Variants in GALNT18 observed in about 807,000 individuals in gnomAD.
The protein encoded by GALNT18 is polypeptide N-acetylgalactosaminyltransferase 18, also known as GalNAc-transferase 18.
GALNT18 carries 44 observed loss-of-function variants against 69.5 expected under a neutral mutation model. The ratio of observed to expected loss-of-function variants is 0.63; its 90% CI spans 0.50 to 0.81. The LOEUF (loss-of-function observed/expected upper bound fraction) is 0.81. Among genes scored for constraint, GALNT18 ranks in the 40% least tolerant of loss-of-function variants. The pLI is 0.00. For synonymous variants in GALNT18, 364 were observed against 318.2 expected, an observed-to-expected ratio of 1.14 and a Z score of -1.53; for missense variants, 715 against 810.0, an observed-to-expected ratio of 0.88 and a Z score of 1.42.
chr11:11,472,175 C>T (rs556866284), intron 1 of GALNT18, among the ~76,000 whole-genome samples: 1 of 152,304 alleles, frequency 6.6e-6, no homozygotes, highest in South Asian at 2.1e-4. Context: ...GGCTCCACTA[C>T]CTGGATGGGG....
intron 1 of GALNT18, among the ~76,000 whole-genome samples, chr11:11,492,309 G>A (rs1856787074): frequency 6.6e-6 from 1 of 152,186 alleles, no homozygotes; most frequent in African/African-American, 2.4e-5. Flanking sequence ...ACTCATTGTG[G>A]CCTCACAAGG....
Position 11,506,108 on chromosome 11 carries a change from G to A in GALNT18, c.236-57172C>T, listed in dbSNP as rs535813770. Among the ~76,000 whole-genome samples the A allele has an allele frequency of 3.3e-5, 5 of 152,294 alleles. No individual in the cohort carries two copies. In the South Asian group the frequency reaches 8.3e-4, roughly 25 times the overall value. On this transcript the variant is annotated intron_variant, in intron 1 of 10. Coordinates refer to ENST00000227756, the MANE Select transcript of GALNT18 (RefSeq NM_198516.3). Reference sequence around the variant, plus strand: ...TGATGAAAGGCACAGCCAAGCAAGAGGGTGAAGCTACCAGTGAAAATAAAA... The same window carrying A: ...TGATGAAAGGCACAGCCAAGCAAGAAGGTGAAGCTACCAGTGAAAATAAAA...
chr11:11,340,656 G>A lies in GALNT18; in HGVS notation c.1278+163C>T, dbSNP rs1589919911. Among the ~76,000 whole-genome samples the A allele has an allele frequency of 6.6e-6, 1 of 152,122 alleles. No individual in the cohort carries two copies. Among genetic ancestry groups the A allele is most frequent in the East Asian group, 1.9e-4 (1 of 5,186 alleles). ...ATAAGAAATGGCTTAGAGCCTCATG[G>A]CCCCTTTTCTTCAGCAAATAATATG... is the stretch of plus-strand genomic sequence containing the variant. On this transcript the variant is annotated intron_variant, in intron 7 of 10. Transcript: ENST00000227756. The surrounding 1 kb of genome is among the most constrained non-coding windows in gnomAD (Gnocchi z 4.2).
At chr11:11,378,214 C>T (rs941900882) in intron 4 of GALNT18, among the ~76,000 whole-genome samples, 12 of 152,218 alleles carry the variant, frequency 7.9e-5, no homozygotes, top group Admixed American at 3.3e-4. Flanking sequence ...GCTGTGTGCA[C>T]GCCCTGCTGC....
intron 9 of GALNT18, among the ~76,000 whole-genome samples, chr11:11,296,756 G>C (rs1849409135): frequency 6.6e-6 from 1 of 152,176 alleles, no homozygotes; most frequent in Non-Finnish European, 1.5e-5. Flanking sequence ...TAATGGGGCA[G>C]ACGATTGTTA....
intron 1 of GALNT18, among the ~76,000 whole-genome samples, chr11:11,474,809 C>A (rs1051344330): frequency 2.6e-5 from 4 of 152,172 alleles, no homozygotes; most frequent in Non-Finnish European, 2.9e-5. Context: ...AGGGACGCCT[C>A]AAATTCACCA....
intron 1 of GALNT18, among the ~76,000 whole-genome samples, chr11:11,574,815 A>G (rs1858879856): frequency 6.6e-6 from 1 of 152,264 alleles, no homozygotes; most frequent in African/African-American, 2.4e-5. Flanking sequence ...AGGACAGAGC[A>G]GAAGCATTAG....
intron 10 of GALNT18, among the ~76,000 whole-genome samples, chr11:11,285,208 G>C (rs1389316609): frequency 6.6e-6 from 1 of 152,118 alleles, no homozygotes; most frequent in East Asian, 1.9e-4. Context: ...TCCAGAGGCA[G>C]GACAAGGGAC....
At chr11:11,352,910 G>C (rs72865627) in intron 6 of GALNT18, 6 of 1,612,236 alleles carry the variant, frequency 3.7e-6, no homozygotes, top group Non-Finnish European at 5.1e-6. Flanking sequence ...TTACTGGCTT[G>C]AGAATTTTAA....
chr11:11,416,618 G>A, intron 3 of GALNT18, among the ~76,000 whole-genome samples: 1 of 152,192 alleles, frequency 6.6e-6, no homozygotes, highest in East Asian at 1.9e-4. Context: ...GATGAGAGAA[G>A]CACGGGGCCC....
Position 11,415,115 on chromosome 11 carries a change from C to T in GALNT18, c.595+17506G>A, listed in dbSNP as rs976016782. Among the ~76,000 whole-genome samples the T allele has an allele frequency of 2.6e-5, 4 of 152,224 alleles. No homozygotes were observed. The highest frequency in any genetic ancestry group is 9.6e-5 in the African/African-American group (4 of 41,452). Reference sequence around the variant, plus strand: ...CGCATGGACAGTTCACAGCATGGGTCTCTTCTCAGGCCACCAGAGTACATC... The same window carrying T: ...CGCATGGACAGTTCACAGCATGGGTTTCTTCTCAGGCCACCAGAGTACATC... On this transcript the variant is annotated intron_variant, in intron 3 of 10. Transcript: ENST00000227756. This position sits in a 1 kb window ranked among gnomAD's most constrained non-coding sequence, Gnocchi z 4.1.
intron 1 of GALNT18, among the ~76,000 whole-genome samples, chr11:11,493,253 T>G (rs574485498): frequency 9.5e-6 from 1 of 104,986 alleles, no homozygotes; most frequent in Non-Finnish European, 1.7e-5. Flanking sequence ...AGAGTGAGAC[T>G]CCATCCTTCA....
rs370791957 is a variant in GALNT18 at position 11,613,769 on chromosome 11, A to T, written c.235+7590T>A. ...GCATAAACAGCATGGTCCACCATTC[A>T]TTGATGGTGGCTTAGCCACCAGTGG... On this transcript the variant is annotated intron_variant, in intron 1 of 10. Coordinates refer to ENST00000227756, the MANE Select transcript of GALNT18 (RefSeq NM_198516.3). The surrounding 1 kb of genome is among the most constrained non-coding windows in gnomAD (Gnocchi z 4.2). Among the ~76,000 whole-genome samples, 1 of 152,178 alleles carries T rather than the reference A, an allele frequency of 6.6e-6. No homozygotes were observed. Among genetic ancestry groups the T allele is most frequent in the Non-Finnish European group, 1.5e-5 (1 of 68,034 alleles).
chr11:11,579,076 C>A (rs1859004444), intron 1 of GALNT18, among the ~76,000 whole-genome samples: 1 of 152,212 alleles, frequency 6.6e-6, no homozygotes, highest in Admixed American at 6.5e-5. Flanking sequence ...GGTTTCCCAG[C>A]CAGCAGCACC....
intron 9 of GALNT18, among the ~76,000 whole-genome samples, chr11:11,296,273 C>G (rs367835606): frequency 2.0e-5 from 3 of 152,142 alleles, no homozygotes; most frequent in African/African-American, 7.2e-5. Context: ...TCACCTACCC[C>G]AACTCTTACT....
At chr11:11,471,080 A>G (rs545525417) in intron 1 of GALNT18, among the ~76,000 whole-genome samples, 3 of 151,464 alleles carry the variant, frequency 2.0e-5, no homozygotes, top group African/African-American at 7.3e-5. Context: ...ATCTAAGAAA[A>G]CCTTTTCTGG....
chr11:11,297,048 G>A (rs1442455713), intron 9 of GALNT18, among the ~76,000 whole-genome samples: 1 of 152,152 alleles, frequency 6.6e-6, no homozygotes, highest in Non-Finnish European at 1.5e-5. Flanking sequence ...GGTCCTCAGT[G>A]GAGGAATGTT....
intron 1 of GALNT18, among the ~76,000 whole-genome samples, chr11:11,548,519 C>T (rs980510691): frequency 2.0e-5 from 3 of 152,222 alleles, no homozygotes; most frequent in Non-Finnish European, 4.4e-5. Context: ...GCCTCCATGT[C>T]CTCTGACATC....
chr11:11,396,877 G>A lies in GALNT18; in HGVS notation c.596-17613C>T, dbSNP rs1854343506. 6.6e-6 allele frequency among the ~76,000 whole-genome samples: 1 copy of A among 152,120 alleles called. No homozygotes were observed. The highest frequency in any genetic ancestry group is 2.4e-5 in the African/African-American group (1 of 41,424). On this transcript the variant is annotated intron_variant, in intron 3 of 10. Transcript: ENST00000227756. This position sits in a 1 kb window ranked among gnomAD's most constrained non-coding sequence, Gnocchi z 5.2. ...AGGCTTTCATTCCAGTCAAAGCAGG[G>A]TGCTGGACAACTTGCTGAGCTAACA...
Sources: gnomAD v4.1 joint callset for allele counts (sites outside exome capture counted in the v4.1 genomes callset) on GRCh38, gnomAD v4.1.1 for gene constraint, Gnocchi (gnomAD v3.1) non-coding constraint, MANE v1.5 for transcripts, NCBI Gene and HGNC (gene_info 2026-07-23, HGNC 2026-07-21) for gene names.